The following ADAMTSL1 variants were observed in gnomAD, a reference collection of about 807,000 sequenced individuals.
ADAMTSL1 encodes ADAMTS like 1.
A neutral mutation model predicts 201.8 loss-of-function variants in ADAMTSL1; 126 were observed. The observed-to-expected ratio is 0.62, with a 90% CI of 0.54 to 0.72. The LOEUF is 0.72. Ranked by LOEUF, ADAMTSL1 falls within the 30% of genes least tolerant of loss-of-function variation. The pLI is 0.00. For missense variants in ADAMTSL1, 2,679 were observed against 2,277.8 expected (o/e 1.18, Z -3.59); for synonymous variants, 1,121 against 903.4 (o/e 1.24, Z -4.32).
chr9:17,927,071 C>T (rs1159387655), intron 1 of ADAMTSL1, among the ~76,000 whole-genome samples: 1 of 152,138 alleles, frequency 6.6e-6, no homozygotes, highest in East Asian at 1.9e-4. Context: ...CTTTTCTTCC[C>T]CTATCCCCTG....
At chr9:18,055,862 T>G (rs62553134) in intron 1 of ADAMTSL1, among the ~76,000 whole-genome samples, 1 of 152,248 alleles carries the variant, frequency 6.6e-6, no homozygotes, top group Non-Finnish European at 1.5e-5. Context: ...ATATTCAAAA[T>G]ATGGGCTTGA....
chr9:18,114,945 C>G (rs922875343), intron 1 of ADAMTSL1, among the ~76,000 whole-genome samples: 2 of 152,174 alleles, frequency 1.3e-5, no homozygotes, highest in Non-Finnish European at 2.9e-5. Context: ...CCGTGGTCGA[C>G]TTTCTCCGTA....
At chr9:18,355,845 A>T (rs1586955762) in intron 2 of ADAMTSL1, among the ~76,000 whole-genome samples, 3 of 152,138 alleles carry the variant, frequency 2.0e-5, no homozygotes, top group South Asian at 4.1e-4. Flanking sequence ...TGTGTCTACA[A>T]AATATATATA....
intron 23 of ADAMTSL1, among the ~76,000 whole-genome samples, chr9:18,832,865 C>A (rs1236033231): frequency 1.3e-5 from 2 of 152,176 alleles, no homozygotes; most frequent in African/African-American, 4.8e-5. Flanking sequence ...CTTCATGGTT[C>A]TGTGGCACAG....
intron 1 of ADAMTSL1, among the ~76,000 whole-genome samples, chr9:18,148,708 C>G (rs943843948): frequency 6.6e-6 from 1 of 151,726 alleles, no homozygotes; most frequent in Non-Finnish European, 1.5e-5. Flanking sequence ...TTAGCTAATC[C>G]TTCATTATCC....
chr9:18,251,799 T>A (rs1408921437), intron 2 of ADAMTSL1, among the ~76,000 whole-genome samples: 1 of 152,092 alleles, frequency 6.6e-6, no homozygotes, highest in East Asian at 1.9e-4. Flanking sequence ...ACAGTAAATA[T>A]CCAGAAATAG....
intron 1 of ADAMTSL1, among the ~76,000 whole-genome samples, chr9:18,122,796 T>C (rs1042191669): frequency 1.6e-4 from 24 of 152,116 alleles, no homozygotes; most frequent in Non-Finnish European, 3.1e-4. Context: ...TTTTGTTTTT[T>C]TGGGGACTAG....
At chr9:18,387,458 T>C (rs1169964641) in intron 2 of ADAMTSL1, among the ~76,000 whole-genome samples, 1 of 152,006 alleles carries the variant, frequency 6.6e-6, no homozygotes, top group South Asian at 2.1e-4. Context: ...AAGGTAGTAT[T>C]CATTATTCTC....
chr9:18,287,543 T>C (rs568697002), intron 2 of ADAMTSL1, among the ~76,000 whole-genome samples: 5 of 151,226 alleles, frequency 3.3e-5, no homozygotes, highest in East Asian at 3.9e-4. Flanking sequence ...GTAAAATACA[T>C]ATACATACAT....
At chr9:18,134,714 C>G (rs186076418) in intron 1 of ADAMTSL1, among the ~76,000 whole-genome samples, 1 of 152,062 alleles carries the variant, frequency 6.6e-6, no homozygotes, top group Non-Finnish European at 1.5e-5. Context: ...AAGTCATTAT[C>G]GAATATAGGG....
At chr9:18,208,527 A>G (rs550936091) in intron 2 of ADAMTSL1, among the ~76,000 whole-genome samples, 44 of 152,258 alleles carry the variant, frequency 2.9e-4, no homozygotes, top group African/African-American at 9.1e-4. Flanking sequence ...AGATTAGAAG[A>G]AATTGATTTT....
At chr9:18,497,851 C>G (rs111261472) in intron 1 of ADAMTSL1, among the ~76,000 whole-genome samples, 2,191 of 152,224 alleles carry the variant, frequency 0.014, 49 homozygotes, top group African/African-American at 0.049. Context: ...CCAGGCTTGA[C>G]CTTGGATAGA....
chr9:18,205,594 G>A (rs10963515), intron 2 of ADAMTSL1, among the ~76,000 whole-genome samples: 22,730 of 151,992 alleles, frequency 0.15, 1,982 homozygotes, highest in East Asian at 0.24. Flanking sequence ...GGTTCCACAG[G>A]CGAAAAGCAA....
intron 2 of ADAMTSL1, among the ~76,000 whole-genome samples, chr9:18,301,082 G>C (rs904392748): frequency 6.6e-6 from 1 of 152,036 alleles, no homozygotes; most frequent in African/African-American, 2.4e-5. Context: ...TAATAATGAA[G>C]CACTGAAAAT....
At chr9:18,227,717 C>T (rs944578624) in intron 2 of ADAMTSL1, among the ~76,000 whole-genome samples, 1 of 152,114 alleles carries the variant, frequency 6.6e-6, no homozygotes, top group African/African-American at 2.4e-5. Context: ...TCTTTGAAAC[C>T]TTCCCTAGCA....
intron 1 of ADAMTSL1, among the ~76,000 whole-genome samples, chr9:18,098,948 A>T (rs575983103): frequency 6.6e-6 from 1 of 152,122 alleles, no homozygotes; most frequent in Non-Finnish European, 1.5e-5. Context: ...TCCCCTAAAG[A>T]TTACAGTTTT....
chr9:18,777,547 G>C lies in ADAMTSL1; in HGVS notation c.3318G>C (p.Gln1106His). 8 of 1,604,382 alleles carry C rather than the reference G, an allele frequency of 5.0e-6. No homozygotes were observed. Among genetic ancestry groups the C allele is most frequent in the Non-Finnish European group, 6.8e-6 (8 of 1,175,800 alleles). The change falls in exon 19 of 29, where the codon CAG becomes CAC. Residue 1106 changes from glutamine (Q) to histidine (H), a missense_variant. Coordinates refer to ENST00000380548, the MANE Select transcript of ADAMTSL1 (RefSeq NM_001040272.6). ...YSKHLVAQLA[Q>H]EIFRSHLEHQ... is the part of the protein sequence containing the mutation. ...AGCACCTGGTGGCCCAGCTGGCCCAGGAGATCTTCCGCAGCCACCTGGAGC... is the reference window on the plus strand; with the variant it reads ...AGCACCTGGTGGCCCAGCTGGCCCACGAGATCTTCCGCAGCCACCTGGAGC...
chr9:18,865,749 AGAGAG>A (rs1827489933), intron 23 of ADAMTSL1, among the ~76,000 whole-genome samples: 1 of 150,692 alleles, frequency 6.6e-6, no homozygotes, highest in Non-Finnish European at 1.5e-5. Flanking sequence ...GGGTTGATAG[AGAGAG>A]GCCTTCTGCT....
intron 1 of ADAMTSL1, among the ~76,000 whole-genome samples, chr9:18,029,249 G>A (rs11531658): frequency 0.072 from 10,891 of 151,956 alleles, 572 homozygotes; most frequent in East Asian, 0.29. Context: ...AATACCCTTT[G>A]TTTCCTTCTC....
Sources: gnomAD v4.1 joint callset for allele counts (sites outside exome capture counted in the v4.1 genomes callset) on GRCh38, gnomAD v4.1.1 for gene constraint, MANE v1.5 for transcripts, NCBI Gene and HGNC (gene_info 2026-07-23, HGNC 2026-07-21) for gene names.